The following P2RY8 variants were observed in gnomAD, a reference collection of about 807,000 sequenced individuals.
P2RY8 encodes P2Y receptor family member 8, also known as S-geranylgeranyl-glutathione receptor P2RY8.
A neutral mutation model predicts 10.0 loss-of-function variants in P2RY8; 6 were observed. The ratio of observed to expected loss-of-function variants is 0.60; its 90% CI spans 0.33 to 1.19. P2RY8 has a LOEUF of 1.19. P2RY8 is among the 50% of genes most tolerant of loss of function. P2RY8 has a pLI of 0.04. For missense variants in P2RY8, 456 were observed against 542.0 expected (o/e 0.84, Z 1.58); for synonymous variants, 276 against 252.5 (o/e 1.09, Z -0.88).
At position 1,463,110 on chromosome X, in the gene P2RY8, A is replaced by G. The variant is rs2091609144; in HGVS notation, c.*2369T>C. 2 of 233,010 alleles carry G rather than the reference A, an allele frequency of 8.6e-6. No individual in the cohort carries two copies. Among genetic ancestry groups the G allele is most frequent in the Non-Finnish European group, 1.7e-5 (2 of 118,012 alleles). 14.4% of individuals were successfully genotyped at this position (233,010 alleles called of 1,614,324 possible). ...GACTCAAGCTCTCATTTTTGTTTAC[A>G]AGGCAGTTTAGGGATCGTCCGTGCG... On this transcript the variant is annotated 3_prime_UTR_variant, in exon 2 of 2. Coordinates refer to ENST00000381297, the MANE Select transcript of P2RY8 (RefSeq NM_178129.5).
chrX:1,467,193 C>T (rs1422977956), intron 1 of P2RY8, among the ~76,000 whole-genome samples: 9 of 152,164 alleles, frequency 5.9e-5, no homozygotes, highest in African/African-American at 2.2e-4. Context: ...AGAAAACACA[C>T]ACTCCGAGTG....
At chrX:1,471,979 A>C (rs1331259442) in intron 1 of P2RY8, among the ~76,000 whole-genome samples, 55 of 152,036 alleles carry the variant, frequency 3.6e-4, no homozygotes, top group Non-Finnish European at 1.3e-4. Flanking sequence ...TGTTTGCACC[A>C]CCCAGTTTGT....
intron 1 of P2RY8, among the ~76,000 whole-genome samples, chrX:1,522,491 G>C (rs1603458519): frequency 6.6e-6 from 1 of 152,174 alleles, no homozygotes; most frequent in Admixed American, 6.5e-5. Flanking sequence ...CAACCAAGAT[G>C]CGATAATTAT....
intron 1 of P2RY8, among the ~76,000 whole-genome samples, chrX:1,530,405 AT>A (rs1211188195): frequency 6.6e-6 from 1 of 151,592 alleles, no homozygotes; most frequent in African/African-American, 2.4e-5. Context: ...TCTCTAATCT[AT>A]TAATGCACCT....
At chrX:1,495,537 C>T (rs1175344507) in intron 1 of P2RY8, among the ~76,000 whole-genome samples, 19 of 148,996 alleles carry the variant, frequency 1.3e-4, no homozygotes, top group Admixed American at 1.1e-3. Context: ...CCTGCCCATA[C>T]CTGGATCTCA....
intron 1 of P2RY8, among the ~76,000 whole-genome samples, chrX:1,525,799 C>T (rs2092435957): frequency 6.6e-6 from 1 of 151,986 alleles, no homozygotes; most frequent in South Asian, 2.1e-4. Context: ...TCCATTTATC[C>T]ATACATCCAC....
At chrX:1,493,460 G>GA (rs746726153) in intron 1 of P2RY8, among the ~76,000 whole-genome samples, 16 of 115,124 alleles carry the variant, frequency 1.4e-4, no homozygotes, top group East Asian at 2.7e-4. Context: ...GAGGAAGGAG[G>GA]GAGGAGGGAG....
At chrX:1,525,894 A>G (rs1481817662) in intron 1 of P2RY8, among the ~76,000 whole-genome samples, 1 of 151,142 alleles carries the variant, frequency 6.6e-6, no homozygotes, top group Non-Finnish European at 1.5e-5. Flanking sequence ...TTATCCATCC[A>G]CTCATCCATC....
At chrX:1,487,583 C>T (rs1294806696) in intron 1 of P2RY8, among the ~76,000 whole-genome samples, 2 of 152,212 alleles carry the variant, frequency 1.3e-5, no homozygotes, top group East Asian at 3.9e-4. Flanking sequence ...TGGAAACACA[C>T]CTGCGCCTCT....
intron 1 of P2RY8, among the ~76,000 whole-genome samples, chrX:1,526,716 T>C (rs2092442752): frequency 6.6e-6 from 1 of 150,524 alleles, no homozygotes; most frequent in African/African-American, 2.5e-5. Context: ...CATCCATCTA[T>C]CCATCTATAC....
chrX:1,530,083 C>T (rs2149415203), intron 1 of P2RY8, among the ~76,000 whole-genome samples: 1 of 151,964 alleles, frequency 6.6e-6, no homozygotes, highest in East Asian at 1.9e-4. Flanking sequence ...TCTCTCTCTC[C>T]GTCATCCATC....
chrX:1,483,671 C>G (rs2091959631), intron 1 of P2RY8, among the ~76,000 whole-genome samples: 2 of 151,930 alleles, frequency 1.3e-5, no homozygotes, highest in Admixed American at 1.3e-4. Context: ...CAAACAGGAG[C>G]TCCATTAAAA....
intron 1 of P2RY8, 69 bp from the exon 2 acceptor site, chrX:1,466,651 C>G (rs1198015950): frequency 1.4e-6 from 2 of 1,447,310 alleles, no homozygotes; most frequent in Non-Finnish European, 1.9e-6. Context: ...CGGGAGGGCT[C>G]CTGAGCGCCG....
At chrX:1,526,794 T>C (rs2092443121) in intron 1 of P2RY8, among the ~76,000 whole-genome samples, 1 of 152,238 alleles carries the variant, frequency 6.6e-6, no homozygotes, top group African/African-American at 2.4e-5. Context: ...TCCATGTGTT[T>C]ATTCATGCAT....
intron 1 of P2RY8, among the ~76,000 whole-genome samples, chrX:1,475,834 C>T (rs1243560257): frequency 6.6e-6 from 1 of 152,140 alleles, no homozygotes; most frequent in Non-Finnish European, 1.5e-5. Flanking sequence ...GGTTGACTTA[C>T]TGTTGAGAAA....
intron 1 of P2RY8, among the ~76,000 whole-genome samples, chrX:1,503,326 T>C (rs766861288): frequency 7.2e-5 from 11 of 152,314 alleles, no homozygotes; most frequent in African/African-American, 2.6e-4. Context: ...ACTCCCCAGT[T>C]TGTGGCATTT....
chrX:1,486,516 C>G (rs1439893099), intron 1 of P2RY8, among the ~76,000 whole-genome samples: 6 of 152,154 alleles, frequency 3.9e-5, no homozygotes, highest in African/African-American at 9.7e-5. Flanking sequence ...CCAGAACATG[C>G]TGATCCATAT....
chrX:1,487,531 C>T (rs1424623345), intron 1 of P2RY8, among the ~76,000 whole-genome samples: 18 of 152,136 alleles, frequency 1.2e-4, no homozygotes, highest in African/African-American at 3.1e-4. Flanking sequence ...TAGAAGATGC[C>T]GCACTCTGCC....
Position 1,497,863 on chromosome X carries a change from G to C in P2RY8, c.-24-31281C>G, listed in dbSNP as rs771320462. 9.2e-5 allele frequency among the ~76,000 whole-genome samples: 14 copies of C among 152,130 alleles called. No individual in the cohort carries two copies. The South Asian group carries it at 2.7e-3, about 29-fold the overall frequency. On this transcript the variant is annotated intron_variant, in intron 1 of 1. Coordinates refer to ENST00000381297, the MANE Select transcript of P2RY8 (RefSeq NM_178129.5). ...GAGGCCTGTGGGTGTCAGACCTGCA[G>C]CCTAGCGGGTCCTTGCCATCCAGGA...
Sources: gnomAD v4.1 joint callset for allele counts (sites outside exome capture counted in the v4.1 genomes callset) on GRCh38, gnomAD v4.1.1 for gene constraint, MANE v1.5 for transcripts, NCBI Gene and HGNC (gene_info 2026-07-23, HGNC 2026-07-21) for gene names.